Variants in OPA3 observed in about 807,000 individuals in gnomAD.
The protein encoded by OPA3 is outer mitochondrial membrane lipid metabolism regulator OPA3.
In OPA3, 6 loss-of-function variants were observed where a neutral mutation model predicts 4.0. That is an observed-to-expected ratio of 1.51 (90% CI 0.83 to 2.99). The LOEUF (loss-of-function observed/expected upper bound fraction) is 2.99, where lower values mean the gene tolerates loss of function less well. Ranked by LOEUF, OPA3 falls within the 30% of genes most tolerant of loss-of-function variation. The pLI, the probability that OPA3 is intolerant of heterozygous loss-of-function variation, is 0.00. For synonymous variants in OPA3, 105 were observed against 117.1 expected, an observed-to-expected ratio of 0.90 and a Z score of 0.67; for missense variants, 235 against 256.2, an observed-to-expected ratio of 0.92 and a Z score of 0.56.
chr19:45,581,788 G>A (rs892807869), intron 1 of OPA3, among the ~76,000 whole-genome samples: 7 of 152,150 alleles, frequency 4.6e-5, no homozygotes, highest in Non-Finnish European at 8.8e-5. Context: ...TTGGCTGTGC[G>A]GGAGGGTGTT....
In OPA3 at chr19:45,549,061, T is replaced by C; in HGVS notation, c.*4453A>G. On this transcript the variant is annotated 3_prime_UTR_variant, in exon 2 of 2. Transcript: ENST00000263275. ...CTCAGGTGATCCACCCACCCTGGCC[T>C]CCCAAAGTGCTAGGATTACAGGTGT... 2.1e-6 allele frequency: 2 copies of C among 952,840 alleles called. No homozygotes were observed. Among genetic ancestry groups the C allele is most frequent in the Non-Finnish European group, 2.5e-6 (2 of 800,348 alleles). The allele number at this position is 952,840 out of a possible 1,614,324, so 59.0% of individuals were successfully genotyped here.
intron 1 of OPA3, among the ~76,000 whole-genome samples, chr19:45,554,542 C>A (rs937966630): frequency 5.3e-5 from 8 of 152,158 alleles, no homozygotes; most frequent in Non-Finnish European, 1.2e-4. Context: ...AGTGGTGCTG[C>A]TGGAACAAAA....
At chr19:45,529,560 A>G (rs1774235743) in intron 1 of OPA3, 1 of 1,408,628 alleles carries the variant, frequency 7.1e-7, no homozygotes, top group South Asian at 1.2e-5. Flanking sequence ...GGATGTGGTC[A>G]CCACAATCGG....
At chr19:45,537,963 G>C (rs1374180979) in intron 1 of OPA3, among the ~76,000 whole-genome samples, 1 of 151,974 alleles carries the variant, frequency 6.6e-6, no homozygotes, top group Non-Finnish European at 1.5e-5. Flanking sequence ...GTGTGGTGGT[G>C]TGTGCCTGTA....
Position 45,553,609 on chromosome 19 carries a change from G to A in OPA3, c.445C>T (p.Leu149=), listed in dbSNP as rs1057523113. Residue 149 remains leucine (L), a synonymous_variant, in exon 2 of 2, where the codon CTG becomes TTG. Coordinates refer to ENST00000263275, the MANE Select transcript of OPA3 (RefSeq NM_025136.4). The part of the protein sequence containing the change: ...QVQAAPPQGA[L]EELRTELQEV... Reference sequence around the variant, plus strand: ...TGCAGCTCTGTGCGCAGTTCCTCCAGGGCGCCCTGTGGCGGCGCCGCCTGC... The same window carrying A: ...TGCAGCTCTGTGCGCAGTTCCTCCAAGGCGCCCTGTGGCGGCGCCGCCTGC... 1.4e-5 allele frequency: 23 copies of A among 1,610,118 alleles called. No homozygotes were observed. The highest frequency in any genetic ancestry group is 2.0e-5 in the Non-Finnish European group (23 of 1,179,224).
rs765378653 is a variant in OPA3, at chr19:45,553,940, G to A, written c.143-29C>T. 7 of 1,569,742 alleles carry A rather than the reference G, an allele frequency of 4.5e-6. No individual in the cohort carries two copies. The Admixed American group carries it at 6.9e-5, about 15-fold the overall frequency. On this transcript the variant is annotated intron_variant, in intron 1 of 1. Coordinates refer to ENST00000263275, the MANE Select transcript of OPA3 (RefSeq NM_025136.4). ...CGGGGGAAGAGAGGGGTCAGGCTGC[G>A]CTCTGGGAGCCCCCTGCAAGCCCCA...
chr19:45,566,105 G>C (rs1340834057), intron 1 of OPA3, among the ~76,000 whole-genome samples: 2 of 152,030 alleles, frequency 1.3e-5, no homozygotes, highest in Admixed American at 1.3e-4. Context: ...TAATCAAGTG[G>C]GATTTCTGCA....
At position 45,549,075 on chromosome 19, in the gene OPA3, G is replaced by A. The variant is rs538388889; in HGVS notation, c.*4439C>T. 1.2e-5 allele frequency: 12 copies of A among 976,268 alleles called. No homozygotes were observed. The East Asian group carries it at 1.3e-3, about 102-fold the overall frequency. 60.5% of individuals were successfully genotyped at this position (976,268 alleles called of 1,614,324 possible). A position where few individuals can be genotyped will look rare whatever the true frequency, so the allele number is the denominator to read the frequency against. On this transcript the variant is annotated 3_prime_UTR_variant, in exon 2 of 2. Transcript: ENST00000263275. ...CCACCCTGGCCTCCCAAAGTGCTAGGATTACAGGTGTGAGCCACTGCGCCC... is the reference window on the plus strand; with the variant it reads ...CCACCCTGGCCTCCCAAAGTGCTAGAATTACAGGTGTGAGCCACTGCGCCC...
intron 1 of OPA3, among the ~76,000 whole-genome samples, chr19:45,563,278 G>A (rs1290995550): frequency 6.6e-6 from 1 of 152,148 alleles, no homozygotes; most frequent in Non-Finnish European, 1.5e-5. Context: ...TCCTGCCTCA[G>A]CCTCCTGAGT....
Position 45,555,494 on chromosome 19 carries a change from A to AT in OPA3, c.143-1584dup, listed in dbSNP as rs34052901. On this transcript the variant is annotated intron_variant, in intron 1 of 1. Transcript: ENST00000263275. ...GGGACTACAGGTATGCCTGGCTAATATTTTTTTTTTTTTTGAGATGGAGTC... is the reference window on the plus strand; with the variant it reads ...GGGACTACAGGTATGCCTGGCTAATATTTTTTTTTTTTTTTGAGATGGAGTC... 5.5e-3 allele frequency among the ~76,000 whole-genome samples: 789 copies of AT among 142,910 alleles called. 6 individuals carry two copies. Among genetic ancestry groups the AT allele is most frequent in the African/African-American group, 0.017 (636 of 38,482 alleles). 93.8% of individuals were successfully genotyped at this position (142,910 alleles called of 152,430 possible).
intron 1 of OPA3, among the ~76,000 whole-genome samples, chr19:45,536,519 C>G (rs1969120151): frequency 6.7e-6 from 1 of 148,646 alleles, no homozygotes; most frequent in Non-Finnish European, 1.5e-5. Flanking sequence ...CTGCACTCCA[C>G]TCTTGGCGAC....
rs1969362546 is a variant in OPA3 at position 45,553,190 on chromosome 19, C to T, written c.*324G>A. 1 of 1,331,418 alleles carries T rather than the reference C, an allele frequency of 7.5e-7. No homozygotes were observed. Among genetic ancestry groups the T allele is most frequent in the Non-Finnish European group, 9.7e-7 (1 of 1,035,316 alleles). The allele number at this position is 1,331,418 out of a possible 1,614,324, so 82.5% of individuals were successfully genotyped here. On this transcript the variant is annotated 3_prime_UTR_variant, in exon 2 of 2. Coordinates refer to ENST00000263275, the MANE Select transcript of OPA3 (RefSeq NM_025136.4). ...ACCGGGGGTGGGGGTAACAATAACACATTGATTCAGCTCAAGACCAGGTTC... is the reference window on the plus strand; with the variant it reads ...ACCGGGGGTGGGGGTAACAATAACATATTGATTCAGCTCAAGACCAGGTTC...
chr19:45,535,445 T>C (rs1195838500), intron 1 of OPA3, among the ~76,000 whole-genome samples: 3 of 149,368 alleles, frequency 2.0e-5, no homozygotes, highest in African/African-American at 7.4e-5. Flanking sequence ...AATCATAGCT[T>C]ACTGCAGCCT....
downstream of OPA3, among the ~76,000 whole-genome samples, chr19:45,542,977 T>C (rs1969204117): frequency 6.6e-6 from 1 of 151,984 alleles, no homozygotes; most frequent in Non-Finnish European, 1.5e-5. Context: ...AGCGCGTGAC[T>C]TCACTGTTTT....
At position 45,566,696 on chromosome 19, in the gene OPA3, A is replaced by G. The variant is rs556276656; in HGVS notation, c.143-12785T>C. On this transcript the variant is annotated intron_variant, in intron 1 of 1. Transcript: ENST00000263275. ...TCACCATGTTGGCCAGGCTGGTCTC[A>G]ATCTCCTGACCTTGTGATCCGCCCG... Among the ~76,000 whole-genome samples the G allele has an allele frequency of 1.7e-3, 262 of 151,336 alleles. 1 individual carries two copies. The highest frequency in any genetic ancestry group is 4.3e-3 in the Admixed American group (65 of 15,194).
At chr19:45,542,895 T>A (rs1969202854), downstream of OPA3, among the ~76,000 whole-genome samples, 1 of 152,106 alleles carries the variant, frequency 6.6e-6, no homozygotes, top group Admixed American at 6.6e-5. Context: ...ATGGTCTCGA[T>A]CTCCTGACCT....
chr19:45,558,572 G>A (rs1969454662), intron 1 of OPA3, among the ~76,000 whole-genome samples: 1 of 152,036 alleles, frequency 6.6e-6, no homozygotes, highest in Non-Finnish European at 1.5e-5. Context: ...TTCAACTGGA[G>A]GTTTGTTCAG....
chr19:45,538,512 G>A (rs2215516), intron 1 of OPA3, among the ~76,000 whole-genome samples: 1 of 152,112 alleles, frequency 6.6e-6, no homozygotes, highest in Non-Finnish European at 1.5e-5. Context: ...CTTGAGGTCA[G>A]AAGTTCGAGA....
intron 1 of OPA3, among the ~76,000 whole-genome samples, chr19:45,538,344 C>T (rs1969145967): frequency 6.6e-6 from 1 of 152,122 alleles, no homozygotes; most frequent in Admixed American, 6.6e-5. Flanking sequence ...TTGCTTGAGC[C>T]TGGAAGATCA....
Sources: gnomAD v4.1 joint callset for allele counts (sites outside exome capture counted in the v4.1 genomes callset) on GRCh38, gnomAD v4.1.1 for gene constraint, MANE v1.5 for transcripts, NCBI Gene and HGNC (gene_info 2026-07-23, HGNC 2026-07-21) for gene names.